The following PRPH2 variants were observed in gnomAD, a reference collection of about 807,000 sequenced individuals.
PRPH2 encodes the protein peripherin 2.
Under a neutral mutation model 31.3 loss-of-function variants are expected in PRPH2, and 17 were observed. The ratio of observed to expected loss-of-function variants is 0.54; its 90% confidence interval spans 0.37 to 0.81. The LOEUF is 0.81. Among genes scored for constraint, PRPH2 ranks in the 40% least tolerant of loss-of-function variants. The pLI is 0.00. For missense variants in PRPH2, 430 were observed against 439.7 expected (o/e 0.98, Z 0.20); for synonymous variants, 165 against 184.4 (o/e 0.89, Z 0.85).
At chr6:42,708,728 A>G (rs1247262680) in intron 1 of PRPH2, among the ~76,000 whole-genome samples, 1 of 152,156 alleles carries the variant, frequency 6.6e-6, no homozygotes, top group Non-Finnish European at 1.5e-5. Flanking sequence ...TGTCCTGTGG[A>G]CAGGGTGGGG....
rs148121706 is a variant in PRPH2, at chr6:42,703,145, G to A, written c.828+1220C>T. Among the ~76,000 whole-genome samples, 146 of 152,142 alleles carry A rather than the reference G, an allele frequency of 9.6e-4. 1 individual carries two copies. Among genetic ancestry groups the A allele is most frequent in the African/African-American group, 3.3e-3 (136 of 41,500 alleles). ...GGAGTTCAAGGCTGCAGTGAGCTACGATCATGCCCCTGCACTCCAGCCTGG... is the reference window on the plus strand; with the variant it reads ...GGAGTTCAAGGCTGCAGTGAGCTACAATCATGCCCCTGCACTCCAGCCTGG... On this transcript the variant is annotated intron_variant, in intron 2 of 2. Transcript: ENST00000230381.
At chr6:42,709,650 G>A (rs1261003091) in intron 1 of PRPH2, among the ~76,000 whole-genome samples, 1 of 152,148 alleles carries the variant, frequency 6.6e-6, no homozygotes, top group East Asian at 1.9e-4. Context: ...TTGGGGTCAT[G>A]CCTGGAGGGT....
Position 42,697,994 on chromosome 6 carries a change from T to C in PRPH2, c.*301A>G. On this transcript the variant is annotated 3_prime_UTR_variant, in exon 3 of 3. Transcript: ENST00000230381. ...AAATCCGTGTGAGAAAGATGGGTCCTGGGCTAGTCGTCTGAGACAGCCCCC... is the reference window on the plus strand; with the variant it reads ...AAATCCGTGTGAGAAAGATGGGTCCCGGGCTAGTCGTCTGAGACAGCCCCC... The C allele has an allele frequency of 2.3e-6, 1 of 436,176 alleles. No individual in the cohort carries two copies. The highest frequency in any genetic ancestry group is 4.2e-6 in the Non-Finnish European group (1 of 235,792). 27.0% of individuals were successfully genotyped at this position (436,176 alleles called of 1,614,324 possible). A position where few individuals can be genotyped will look rare whatever the true frequency, so the allele number is the denominator to read the frequency against.
intron 1 of PRPH2, among the ~76,000 whole-genome samples, chr6:42,715,307 A>G (rs927458746): frequency 2.0e-5 from 3 of 152,156 alleles, no homozygotes; most frequent in Non-Finnish European, 4.4e-5. Flanking sequence ...TCCCCCTCCC[A>G]AATGACTTGG....
intron 1 of PRPH2, among the ~76,000 whole-genome samples, chr6:42,713,721 G>T (rs1263920580): frequency 6.6e-6 from 1 of 151,848 alleles, no homozygotes; most frequent in Non-Finnish European, 1.5e-5. Flanking sequence ...AGGAATTTGA[G>T]ACCAGCCTGG....
chr6:42,721,730 A>C (rs1582780361), intron 1 of PRPH2, 24 bp downstream of exon 1: 2 of 1,613,200 alleles, frequency 1.2e-6, no homozygotes, highest in Non-Finnish European at 1.7e-6. Flanking sequence ...CATAGCTCTG[A>C]CCCCAGGACT....
intron 2 of PRPH2, among the ~76,000 whole-genome samples, chr6:42,700,993 T>C (rs1349421718): frequency 3.3e-5 from 5 of 151,748 alleles, no homozygotes; most frequent in African/African-American, 9.7e-5. Context: ...CTTTCTTTTT[T>C]TTTTTTTTTG....
rs1761925095 is a variant in PRPH2 at position 42,722,475 on chromosome 6, G to A, written c.-141C>T. On this transcript the variant is annotated 5_prime_UTR_variant, in exon 1 of 3. Transcript: ENST00000230381. This position sits in a 1 kb window ranked among gnomAD's most constrained non-coding sequence, Gnocchi z 4.4. ...GGGAGCTGCCCTGGGGGCTACCCAT[G>A]TCGAGTCCCACTAGCCTGGGATCCC... The A allele has an allele frequency of 2.0e-6, 3 of 1,520,266 alleles. No homozygotes were observed. The highest frequency in any genetic ancestry group is 1.2e-5 in the South Asian group (1 of 81,986). The allele number at this position is 1,520,266 out of a possible 1,614,324, so 94.2% of individuals were successfully genotyped here.
At position 42,699,080 on chromosome 6, in the gene PRPH2, TCTTA is replaced by T. The variant is rs1456873624; in HGVS notation, c.829-577_829-574del. ...TTTTTTTTTTTTTTTTTGAGACAAGTCTTACTCTGTCACCCATGCTGGAGTGCAG... is the reference window on the plus strand; with the variant it reads ...TTTTTTTTTTTTTTTTTGAGACAAGTCTCTGTCACCCATGCTGGAGTGCAG... On this transcript the variant is annotated intron_variant, in intron 2 of 2. Transcript: ENST00000230381. 3.4e-5 allele frequency among the ~76,000 whole-genome samples: 5 copies of T among 145,214 alleles called. No individual in the cohort carries two copies. The South Asian group carries it at 1.1e-3, about 32-fold the overall frequency.
intron 1 of PRPH2, among the ~76,000 whole-genome samples, chr6:42,720,612 G>A (rs763797569): frequency 1.6e-4 from 24 of 152,172 alleles, no homozygotes; most frequent in African/African-American, 4.6e-4. Flanking sequence ...CTATTTGGGC[G>A]TCATTAATGT....
chr6:42,715,348 G>T lies in PRPH2; in HGVS notation c.581+6406C>A, dbSNP rs1478856506. On this transcript the variant is annotated intron_variant, in intron 1 of 2. Transcript: ENST00000230381. ...CGGTCATAGGCAGGTTGGGGATGGG[G>T]TGCAGTCACTGGGCTACTCCCCTAA... Among the ~76,000 whole-genome samples, 7 of 152,074 alleles carry T rather than the reference G, an allele frequency of 4.6e-5. No individual in the cohort carries two copies. In the South Asian group the frequency reaches 1.2e-3, roughly 27 times the overall value.
chr6:42,703,436 C>T (rs1308367656), intron 2 of PRPH2, among the ~76,000 whole-genome samples: 1 of 152,266 alleles, frequency 6.6e-6, no homozygotes, highest in East Asian at 1.9e-4. Flanking sequence ...TGAACACCTG[C>T]ACATGCTGTT....
chr6:42,722,163 G>A lies in PRPH2; in HGVS notation c.172C>T (p.His58Tyr). 6.2e-7 allele frequency: 1 copy of A among 1,614,108 alleles called. No homozygotes were observed. The highest frequency in any genetic ancestry group is 8.5e-7 in the Non-Finnish European group (1 of 1,180,026). The change falls in exon 1 of 3, where the codon CAT becomes TAT. Residue 58 changes from histidine to tyrosine, a missense_variant. Transcript: ENST00000230381. The surrounding 1 kb of genome is among the most constrained non-coding windows in gnomAD (Gnocchi z 4.4). ...RSDVMNNSES[H>Y]FVPNSLIGMG... is the part of the protein sequence containing the mutation. The stretch of plus-strand genomic sequence containing the variant: ...CCTATCAATGAGTTGGGCACAAAAT[G>A]GCTCTCAGAATTATTCATCACATCG...
chr6:42,715,790 A>C (rs187315535), intron 1 of PRPH2, among the ~76,000 whole-genome samples: 5 of 152,340 alleles, frequency 3.3e-5, no homozygotes, highest in South Asian at 2.1e-4. Context: ...TGGATCTTAA[A>C]GATTCCCCTG....
intron 1 of PRPH2, among the ~76,000 whole-genome samples, chr6:42,709,724 A>C (rs900174139): frequency 7.9e-5 from 12 of 152,118 alleles, no homozygotes; most frequent in African/African-American, 2.4e-4. Context: ...GTGACACCCC[A>C]GCTCCCTCAC....
rs1799986927 is a variant in PRPH2, at chr6:42,698,405, T to C, written c.931A>G (p.Ser311Gly). Residue 311 changes from serine to glycine, a missense_variant, in exon 3 of 3, where the codon AGC (serine) becomes GGC (glycine). Ser to Gly is a moderately conservative substitution (Grantham distance 56). Transcript: ENST00000230381. ...AAGGCCTTCCAGGTCTCCGGCACGCTCCTCTCCAGCAGCCAGCCCTGGCTC... is the reference window on the plus strand; with the variant it reads ...AAGGCCTTCCAGGTCTCCGGCACGCCCCTCTCCAGCAGCCAGCCCTGGCTC... ...SESQGWLLER[S>G]VPETWKAFLE... 1 of 1,613,684 alleles carries C rather than the reference T, an allele frequency of 6.2e-7. No individual in the cohort carries two copies. The highest frequency in any genetic ancestry group is 8.5e-7 in the Non-Finnish European group (1 of 1,179,770).
At position 42,708,051 on chromosome 6, in the gene PRPH2, T is replaced by C. The variant is rs554294194; in HGVS notation, c.582-3440A>G. Among the ~76,000 whole-genome samples, 280 of 152,328 alleles carry C rather than the reference T, an allele frequency of 1.8e-3. 1 individual carries two copies. Among genetic ancestry groups the C allele is most frequent in the Non-Finnish European group, 3.3e-3 (227 of 68,014 alleles). ...TGCTGGTATTAATACATAGTAGCCA[T>C]GCGCTGTGAGCAAAAGCCACCTCAC... On this transcript the variant is annotated intron_variant, in intron 1 of 2. Transcript: ENST00000230381.
At chr6:42,717,505 C>T (rs548815998) in intron 1 of PRPH2, among the ~76,000 whole-genome samples, 12 of 152,042 alleles carry the variant, frequency 7.9e-5, no homozygotes, top group South Asian at 6.2e-4. Context: ...GGGGTGCTGC[C>T]GAGATAATCC....
intron 1 of PRPH2, among the ~76,000 whole-genome samples, chr6:42,710,852 T>A (rs115611161): frequency 6.6e-6 from 1 of 152,182 alleles, no homozygotes; most frequent in Non-Finnish European, 1.5e-5. Flanking sequence ...CAGTGGGTCA[T>A]GCCAAGCAGA....
Sources: allele counts gnomAD v4.1 joint callset (sites outside exome capture counted in the v4.1 genomes callset), GRCh38; gene constraint gnomAD v4.1.1; non-coding constraint Gnocchi (gnomAD v3.1); transcripts MANE v1.5; gene names NCBI Gene and HGNC (gene_info 2026-07-23, HGNC 2026-07-21).